Variants in PCDHGA4 observed in about 807,000 individuals in gnomAD.
The protein encoded by PCDHGA4 is protocadherin gamma-A4.
In PCDHGA4, 38 loss-of-function variants were observed where a neutral mutation model predicts 54.6. The observed-to-expected ratio is 0.70, with a 90% CI of 0.54 to 0.91. The LOEUF is 0.91. PCDHGA4 is among the 40% of genes least tolerant of loss of function. PCDHGA4 has a pLI of 0.00. For synonymous variants in PCDHGA4, 511 were observed against 512.9 expected, an observed-to-expected ratio of 1.00 and a Z score of 0.05; for missense variants, 1,298 against 1,220.9, an observed-to-expected ratio of 1.06 and a Z score of -0.94.
At chr5:141,401,861 G>A (rs934405271) in intron 1 of PCDHGA4, among the ~76,000 whole-genome samples, 3 of 152,122 alleles carry the variant, frequency 2.0e-5, no homozygotes, top group African/African-American at 7.2e-5. Context: ...TAACCTTTCA[G>A]TAGTTTTCTT....
intron 1 of PCDHGA4, among the ~76,000 whole-genome samples, chr5:141,401,168 C>T (rs2094123018): frequency 1.3e-5 from 2 of 152,142 alleles, no homozygotes; most frequent in Non-Finnish European, 2.9e-5. Flanking sequence ...ATGGTGAAAA[C>T]CCGTCTCTAC....
At chr5:141,359,679 A>G (rs906167811) in intron 1 of PCDHGA4, among the ~76,000 whole-genome samples, 1 of 152,104 alleles carries the variant, frequency 6.6e-6, no homozygotes. Context: ...GTTGCCCTAT[A>G]CAAGACATAT....
At chr5:141,456,336 G>A (rs2098850873) in intron 1 of PCDHGA4, among the ~76,000 whole-genome samples, 1 of 152,242 alleles carries the variant, frequency 6.6e-6, no homozygotes, top group Non-Finnish European at 1.5e-5. Context: ...TGATCTAAGG[G>A]TCCTCGGAAG....
At position 141,485,305 on chromosome 5, in the gene PCDHGA4, T is replaced by C. The variant is rs1344645695; in HGVS notation, c.2515-9502T>C. The C allele has an allele frequency of 3.7e-6, 6 of 1,614,000 alleles. No individual in the cohort carries two copies. In the East Asian group the frequency reaches 1.3e-4, roughly 36 times the overall value. Reference sequence around the variant, plus strand: ...CAGAGGAGTCACAGGAAGGGACTTTTGTAGGGAATGTCGCTCAAGATTTCC... The same window carrying C: ...CAGAGGAGTCACAGGAAGGGACTTTCGTAGGGAATGTCGCTCAAGATTTCC... On this transcript the variant is annotated intron_variant, in intron 1 of 3. Coordinates refer to ENST00000571252, the MANE Select transcript of PCDHGA4 (RefSeq NM_018917.4). This position sits in a 1 kb window ranked among gnomAD's most constrained non-coding sequence, Gnocchi z 5.7.
chr5:141,361,987 A>G (rs1194727117), intron 1 of PCDHGA4: 2 of 1,601,686 alleles, frequency 1.2e-6, no homozygotes, highest in African/African-American at 1.3e-5. Context: ...CGGGCTCTTC[A>G]GCCTGGGGTT....
At position 141,487,635 on chromosome 5, in the gene PCDHGA4, A is replaced by C. The variant is rs1594699829; in HGVS notation, c.2515-7172A>C. 1.2e-6 allele frequency: 2 copies of C among 1,614,204 alleles called. No individual in the cohort carries two copies. Among genetic ancestry groups the C allele is most frequent in the Non-Finnish European group, 1.7e-6 (2 of 1,180,034 alleles). On this transcript the variant is annotated intron_variant, in intron 1 of 3. Transcript: ENST00000571252. The surrounding 1 kb of genome is among the most constrained non-coding windows in gnomAD (Gnocchi z 5.0). Reference sequence around the variant, plus strand: ...CTAGAGGTGAGACCTTTGCAGGCTCAACAAATGCTTGAGGGTTATTCTGAT... The same window carrying C: ...CTAGAGGTGAGACCTTTGCAGGCTCCACAAATGCTTGAGGGTTATTCTGAT...
chr5:141,402,903 A>C, intron 1 of PCDHGA4: 1 of 1,525,170 alleles, frequency 6.6e-7, no homozygotes, highest in East Asian at 2.3e-5. Context: ...GAACCTGATG[A>C]AGCAGCGCGC....
chr5:141,410,746 C>A (rs1489353130), intron 1 of PCDHGA4: 28 of 1,269,804 alleles, frequency 2.2e-5, no homozygotes, highest in Non-Finnish European at 2.7e-5. Flanking sequence ...ACAATATTTT[C>A]TCAATGTTTT....
rs762121534 is a variant in PCDHGA4, at chr5:141,403,984, A to G, written c.2514+46363A>G. 1.7e-5 allele frequency: 27 copies of G among 1,613,774 alleles called. No homozygotes were observed. The South Asian group carries it at 2.7e-4, about 16-fold the overall frequency. On this transcript the variant is annotated intron_variant, in intron 1 of 3. Coordinates refer to ENST00000571252, the MANE Select transcript of PCDHGA4 (RefSeq NM_018917.4). Reference sequence around the variant, plus strand: ...CGGTGGAAGATGTAAATGACAATAGACCTGAAGTGACCATTACATCTCTGT... The same window carrying G: ...CGGTGGAAGATGTAAATGACAATAGGCCTGAAGTGACCATTACATCTCTGT...
intron 1 of PCDHGA4, chr5:141,440,564 A>T (rs531383065): frequency 1.3e-5 from 2 of 152,248 alleles, no homozygotes; most frequent in Non-Finnish European, 2.9e-5. Context: ...TAAGTTACGT[A>T]TCTCTGAGTT....
rs192741775 is a variant in PCDHGA4, at chr5:141,428,173, C to A, written c.2515-66634C>A. The A allele has an allele frequency of 3.2e-4, 487 of 1,514,722 alleles. 1 individual carries two copies. In the Middle Eastern group the frequency reaches 7.1e-3, roughly 22 times the overall value. The allele number at this position is 1,514,722 out of a possible 1,614,324, so 93.8% of individuals were successfully genotyped here. On this transcript the variant is annotated intron_variant, in intron 1 of 3. Transcript: ENST00000571252. The stretch of plus-strand genomic sequence containing the variant: ...GGAACCTGCTGGTTGCTGTGCGTGA[C>A]GGAGGACAGCCGCCGCTCTCTGCGC...
chr5:141,413,578 C>G, intron 1 of PCDHGA4: 1 of 1,613,870 alleles, frequency 6.2e-7, no homozygotes, highest in Non-Finnish European at 8.5e-7. Flanking sequence ...TGACAATGCT[C>G]CAAAATTCCA....
Position 141,487,686 on chromosome 5 carries a change from T to G in PCDHGA4, c.2515-7121T>G, listed in dbSNP as rs778973495. The G allele has an allele frequency of 4.4e-6, 7 of 1,605,914 alleles. 1 individual carries two copies. The African/African-American group carries it at 9.4e-5, about 21-fold the overall frequency. On this transcript the variant is annotated intron_variant, in intron 1 of 3. Coordinates refer to ENST00000571252, the MANE Select transcript of PCDHGA4 (RefSeq NM_018917.4). The surrounding 1 kb of genome is among the most constrained non-coding windows in gnomAD (Gnocchi z 5.0). Reference sequence around the variant, plus strand: ...CCAGGCATATGGCTAGGCCATGTCCTAGAGAGTACTGGCCTCTCAGTAAGT... The same window carrying G: ...CCAGGCATATGGCTAGGCCATGTCCGAGAGAGTACTGGCCTCTCAGTAAGT...
At chr5:141,390,553 A>G in intron 1 of PCDHGA4, 3 of 476,468 alleles carry the variant, frequency 6.3e-6, no homozygotes, top group Non-Finnish European at 1.1e-5. Context: ...TGAAAGTGTT[A>G]GACAGTTGTT....
Position 141,477,575 on chromosome 5 carries a change from C to T in PCDHGA4, c.2515-17232C>T. The T allele has an allele frequency of 6.2e-7, 1 of 1,614,176 alleles. No individual in the cohort carries two copies. The highest frequency in any genetic ancestry group is 8.5e-7 in the Non-Finnish European group (1 of 1,180,030). On this transcript the variant is annotated intron_variant, in intron 1 of 3. Coordinates refer to ENST00000571252, the MANE Select transcript of PCDHGA4 (RefSeq NM_018917.4). This position sits in a 1 kb window ranked among gnomAD's most constrained non-coding sequence, Gnocchi z 4.9. ...CCTAAGTGTCTGGGACCCCGACGCC[C>T]CGCAGAATGCTCGGCTTTCTTTCTT... is the stretch of plus-strand genomic sequence containing the variant.
rs1340692426 is a variant in PCDHGA4 at position 141,485,025 on chromosome 5, A to C, written c.2515-9782A>C. ...CAAATCTACCCCGCCACCAGCAAAAACGGCGCGTAACCCTTGCGGCGCCGG... is the reference window on the plus strand; with the variant it reads ...CAAATCTACCCCGCCACCAGCAAAACCGGCGCGTAACCCTTGCGGCGCCGG... On this transcript the variant is annotated intron_variant, in intron 1 of 3. Transcript: ENST00000571252. This position sits in a 1 kb window ranked among gnomAD's most constrained non-coding sequence, Gnocchi z 5.7. 2 of 657,796 alleles carry C rather than the reference A, an allele frequency of 3.0e-6. No homozygotes were observed. The highest frequency in any genetic ancestry group is 5.4e-6 in the Non-Finnish European group (2 of 369,210). The allele number at this position is 657,796 out of a possible 1,614,324, so 40.7% of individuals were successfully genotyped here.
At chr5:141,478,090 C>T in intron 1 of PCDHGA4, 2 of 1,614,108 alleles carry the variant, frequency 1.2e-6, no homozygotes, top group Non-Finnish European at 1.7e-6. Flanking sequence ...CGCTCTCCAC[C>T]ACTGCTACCC....
chr5:141,469,284 A>G lies in PCDHGA4; in HGVS notation c.2515-25523A>G, dbSNP rs192391622. On this transcript the variant is annotated intron_variant, in intron 1 of 3. Transcript: ENST00000571252. ...AGAGCAAGACCCCATCTCAAAAAAT[A>G]AAACAAAATAGACTGGGCACGATGG... Among the ~76,000 whole-genome samples, 595 of 152,012 alleles carry G rather than the reference A, an allele frequency of 3.9e-3. 6 individuals are homozygous for G. The highest frequency in any genetic ancestry group is 0.011 in the Admixed American group (171 of 15,260).
chr5:141,421,397 C>T, intron 1 of PCDHGA4: 1 of 1,614,030 alleles, frequency 6.2e-7, no homozygotes, highest in Non-Finnish European at 8.5e-7. Context: ...GGGCTGGAGC[C>T]CCGGGAGCTG....
Sources: gnomAD v4.1 joint callset for allele counts (sites outside exome capture counted in the v4.1 genomes callset) on GRCh38, gnomAD v4.1.1 for gene constraint, Gnocchi (gnomAD v3.1) non-coding constraint, MANE v1.5 for transcripts, NCBI Gene and HGNC (gene_info 2026-07-23, HGNC 2026-07-21) for gene names.